Variants in GRK5 observed in about 807,000 individuals in gnomAD.
The protein encoded by GRK5 is G protein-coupled receptor kinase 5.
GRK5 carries 40 observed loss-of-function variants against 78.4 expected under a neutral mutation model. The observed-to-expected ratio is 0.51, with a 90% CI of 0.40 to 0.66. GRK5 has a LOEUF of 0.66. GRK5 is among the 30% of genes least tolerant of loss of function. The pLI, the probability that GRK5 is intolerant of heterozygous loss-of-function variation, is 0.00. For missense variants in GRK5, 598 were observed against 759.9 expected (o/e 0.79, Z 2.50); for synonymous variants, 289 against 296.8 (o/e 0.97, Z 0.27).
At chr10:119,429,561 A>G (rs900225614) in intron 6 of GRK5, among the ~76,000 whole-genome samples, 8 of 150,334 alleles carry the variant, frequency 5.3e-5, no homozygotes, top group Non-Finnish European at 1.2e-4. Flanking sequence ...GTCTTTGCTT[A>G]GTCCAAAAAG....
chr10:119,434,871 G>A (rs1016471402), intron 8 of GRK5, among the ~76,000 whole-genome samples: 10 of 152,278 alleles, frequency 6.6e-5, no homozygotes, highest in East Asian at 1.9e-4. Context: ...TGAGGGCCCC[G>A]CCCCTGCAGC....
chr10:119,434,448 CAG>C (rs1852881602), intron 8 of GRK5, among the ~76,000 whole-genome samples: 1 of 152,242 alleles, frequency 6.6e-6, no homozygotes, highest in Admixed American at 6.5e-5. Flanking sequence ...TGGGTAAATA[CAG>C]CTGTTCCAAA....
chr10:119,297,312 G>C (rs1355748454), intron 1 of GRK5, among the ~76,000 whole-genome samples: 1 of 152,214 alleles, frequency 6.6e-6, no homozygotes, highest in Non-Finnish European at 1.5e-5. Context: ...GCGAATGTTA[G>C]TGCAGTTGTT....
intron 10 of GRK5, among the ~76,000 whole-genome samples, chr10:119,440,597 C>G (rs2133905309): frequency 6.6e-6 from 1 of 150,576 alleles, no homozygotes; most frequent in East Asian, 1.9e-4. Flanking sequence ...GTTGCCCAGG[C>G]TGGAGTGCAG....
At chr10:119,376,721 C>A (rs1028227650) in intron 2 of GRK5, among the ~76,000 whole-genome samples, 15 of 152,064 alleles carry the variant, frequency 9.9e-5, no homozygotes. Context: ...CCTGCCACCA[C>A]GCCTGGCTAA....
intron 11 of GRK5, among the ~76,000 whole-genome samples, chr10:119,442,757 G>A (rs1191439956): frequency 6.6e-6 from 1 of 152,242 alleles, no homozygotes; most frequent in African/African-American, 2.4e-5. Flanking sequence ...CACAGGAGGT[G>A]TGCCTTGTCT....
intron 10 of GRK5, among the ~76,000 whole-genome samples, chr10:119,441,375 G>T (rs537609891): frequency 6.6e-6 from 1 of 152,192 alleles, no homozygotes; most frequent in Non-Finnish European, 1.5e-5. Context: ...AGTTGTGGCC[G>T]CGACCCTGCC....
At chr10:119,211,845 G>A (rs1848492552) in intron 1 of GRK5, 2 of 152,074 alleles carry the variant, frequency 1.3e-5, no homozygotes, top group African/African-American at 4.8e-5. Context: ...GCTATGGCGT[G>A]GACAGACTTA....
At chr10:119,344,794 C>T (rs1007758075) in intron 2 of GRK5, among the ~76,000 whole-genome samples, 3 of 152,080 alleles carry the variant, frequency 2.0e-5, no homozygotes, top group Admixed American at 6.5e-5. Context: ...TCAGAATGTG[C>T]GTGTGGGGTG....
intron 1 of GRK5, among the ~76,000 whole-genome samples, chr10:119,276,224 G>A (rs566873795): frequency 7.2e-5 from 11 of 152,048 alleles, no homozygotes; most frequent in African/African-American, 2.2e-4. Flanking sequence ...CCATTAACTC[G>A]TCATTTAGCA....
intron 8 of GRK5, among the ~76,000 whole-genome samples, chr10:119,432,943 C>T (rs531919275): frequency 8.5e-5 from 13 of 152,196 alleles, no homozygotes; most frequent in South Asian, 2.1e-4. Context: ...TGGTGGTGGG[C>T]GCCTGTAATT....
intron 1 of GRK5, among the ~76,000 whole-genome samples, chr10:119,252,913 CCCT>C (rs1235676566): frequency 6.6e-6 from 1 of 152,184 alleles, no homozygotes; most frequent in African/African-American, 2.4e-5. Context: ...AGGTCAGTCA[CCCT>C]CCTCCCCTGG....
chr10:119,219,679 T>C (rs1292273094), intron 1 of GRK5, among the ~76,000 whole-genome samples: 1 of 152,206 alleles, frequency 6.6e-6, no homozygotes, highest in Non-Finnish European at 1.5e-5. Context: ...CAAATGTTTG[T>C]CTTAACTCTG....
chr10:119,209,956 T>C (rs1848460366), intron 1 of GRK5, among the ~76,000 whole-genome samples: 1 of 152,188 alleles, frequency 6.6e-6, no homozygotes. Context: ...TCCAAATTGT[T>C]CTCCCCAGTA....
chr10:119,309,602 T>C (rs529948834), intron 1 of GRK5, among the ~76,000 whole-genome samples: 2 of 152,308 alleles, frequency 1.3e-5, no homozygotes, highest in South Asian at 4.1e-4. Context: ...GAGGGTGGTG[T>C]TTCCCCATTT....
chr10:119,426,087 C>A (rs936337380), intron 6 of GRK5, among the ~76,000 whole-genome samples: 2 of 152,244 alleles, frequency 1.3e-5, no homozygotes, highest in Non-Finnish European at 2.9e-5. Flanking sequence ...CATGCACAGC[C>A]ATCTGGGGGC....
At chr10:119,246,774 C>T (rs994577202) in intron 1 of GRK5, among the ~76,000 whole-genome samples, 6 of 152,228 alleles carry the variant, frequency 3.9e-5, no homozygotes, top group African/African-American at 1.2e-4. Flanking sequence ...CCCTCCTGCA[C>T]CTTCCAAAGC....
Position 119,360,128 on chromosome 10 carries a change from AG to A in GRK5, c.149-20684del, listed in dbSNP as rs1214833462. ...CCGAGGGAATCTGAGGGAGGCAGGG[AG>A]GGAGGCTGAAGAGTCTGAGGGGGTG... On this transcript the variant is annotated intron_variant, in intron 2 of 15. Coordinates refer to ENST00000392870, the MANE Select transcript of GRK5 (RefSeq NM_005308.3). 2.8e-5 allele frequency among the ~76,000 whole-genome samples: 4 copies of A among 142,508 alleles called. No homozygotes were observed. In the East Asian group the frequency reaches 6.4e-4, roughly 23 times the overall value. The allele number at this position is 142,508 out of a possible 152,430, so 93.5% of individuals were successfully genotyped here. A position where few individuals can be genotyped will look rare whatever the true frequency, so the allele number is the denominator to read the frequency against.
At chr10:119,391,862 C>A (rs1483012005) in intron 3 of GRK5, among the ~76,000 whole-genome samples, 1 of 152,168 alleles carries the variant, frequency 6.6e-6, no homozygotes, top group Non-Finnish European at 1.5e-5. Flanking sequence ...AAAAGCTGAC[C>A]ACATCAATAA....
Sources: allele counts gnomAD v4.1 joint callset (sites outside exome capture counted in the v4.1 genomes callset), GRCh38; gene constraint gnomAD v4.1.1; transcripts MANE v1.5; gene names NCBI Gene and HGNC (gene_info 2026-07-23, HGNC 2026-07-21).